The following PTPMT1 variants were observed in gnomAD, a reference collection of about 807,000 sequenced individuals.
PTPMT1 encodes protein tyrosine phosphatase mitochondrial 1, also known as phosphatidylglycerophosphatase and protein-tyrosine phosphatase 1.
In PTPMT1, 12 loss-of-function variants were observed where a neutral mutation model predicts 17.8. The ratio of observed to expected loss-of-function variants is 0.67; its 90% CI spans 0.43 to 1.09. The LOEUF is 1.09. Among genes scored for constraint, PTPMT1 ranks in the 50% least tolerant of loss-of-function variants. The probability of loss-of-function intolerance (pLI) is 0.00; values close to 1 mark genes in which losing one functional copy is unlikely to be tolerated. For missense variants in PTPMT1, 262 were observed against 266.0 expected, an observed-to-expected ratio of 0.99 and a Z score of 0.10; for synonymous variants, 132 against 116.8, an observed-to-expected ratio of 1.13 and a Z score of -0.84.
At position 47,570,692 on chromosome 11, in the gene PTPMT1, A is replaced by ATC. The variant is rs1357540392; in HGVS notation, c.448-779_448-778insTC. 3.3e-5 allele frequency among the ~76,000 whole-genome samples: 5 copies of ATC among 152,300 alleles called. No individual in the cohort carries two copies. The East Asian group carries it at 9.6e-4, about 29-fold the overall frequency. ...GGCTCCAAACTGGATTCTGCCTATT[A>ATC]ATGTGTCATAATTGGCAGGTGGGAT... On this transcript the variant is annotated intron_variant, in intron 3 of 3. Transcript: ENST00000326674.
chr11:47,565,866 T>G (rs752536990), intron 1 of PTPMT1, 40 bp from the exon 2 acceptor site: 23 of 1,610,136 alleles, frequency 1.4e-5, no homozygotes, highest in Non-Finnish European at 1.7e-6. Context: ...GCCGCTGGGG[T>G]CTCCACCGTC....
At chr11:47,566,078 T>A in intron 2 of PTPMT1, 92 bp downstream of exon 2, 1 of 1,378,428 alleles carries the variant, frequency 7.3e-7, no homozygotes, top group Non-Finnish European at 9.6e-7. Flanking sequence ...GTGGGGGAGG[T>A]CACCATGCAC....
Position 47,565,954 on chromosome 11 carries a change from T to A in PTPMT1, c.223T>A (p.Tyr75Asn). The part of the protein sequence containing the change: ...VRGVITMNEE[Y>N]ETRFLCNSSQ... ...CGGGGTGATCACCATGAACGAGGAG[T>A]ACGAGACGAGGTTCCTGTGCAACTC... The change falls in exon 2 of 4, where the codon TAC becomes AAC. Residue 75 changes from tyrosine (Y) to asparagine (N), a missense_variant. Coordinates refer to ENST00000326674, the MANE Select transcript of PTPMT1 (RefSeq NM_175732.3). The A allele has an allele frequency of 6.2e-7, 1 of 1,603,962 alleles. No homozygotes were observed. The highest frequency in any genetic ancestry group is 8.5e-7 in the Non-Finnish European group (1 of 1,175,912).
chr11:47,567,056 G>A (rs2097245576), intron 2 of PTPMT1, among the ~76,000 whole-genome samples: 1 of 152,082 alleles, frequency 6.6e-6, no homozygotes, highest in Non-Finnish European at 1.5e-5. Context: ...GATATAGCAT[G>A]ATGAAGATAC....
At position 47,571,585 on chromosome 11, in the gene PTPMT1, G is replaced by A. The variant is rs769003485; in HGVS notation, c.562G>A (p.Ala188Thr). ...TAAAGAGTTCCACAAGCAGATTACT[G>A]CACGGGCAACAAAGGATGGGACTTT... is the stretch of plus-strand genomic sequence containing the variant. ...VLKEFHKQIT[A>T]RATKDGTFVI... Residue 188 changes from alanine to threonine, a missense_variant, in exon 4 of 4, where the codon GCA (alanine) becomes ACA (threonine). Physicochemically the swap from Ala to Thr is moderately conservative, Grantham distance 58. Transcript: ENST00000326674. The A allele has an allele frequency of 1.2e-6, 2 of 1,613,924 alleles. No homozygotes were observed. The highest frequency in any genetic ancestry group is 2.2e-5 in the East Asian group (1 of 44,854).
At position 47,566,340 on chromosome 11, in the gene PTPMT1, G is replaced by A. The variant is rs142031685; in HGVS notation, c.255+354G>A. 1.9e-3 allele frequency among the ~76,000 whole-genome samples: 289 copies of A among 152,160 alleles called. 1 individual carries two copies. The highest frequency in any genetic ancestry group is 0.014 in the Middle Eastern group (4 of 294). The stretch of plus-strand genomic sequence containing the variant: ...CCCTACAAAAATACAAAAAGTAGCC[G>A]GGAGTGGTGGCGTGCGCCTGTACTC... On this transcript the variant is annotated intron_variant, in intron 2 of 3. Coordinates refer to ENST00000326674, the MANE Select transcript of PTPMT1 (RefSeq NM_175732.3).
chr11:47,568,559 G>A (rs2097247636), intron 2 of PTPMT1, among the ~76,000 whole-genome samples: 2 of 152,106 alleles, frequency 1.3e-5, no homozygotes, highest in Admixed American at 1.3e-4. Context: ...GCATGCAGCT[G>A]TAGTCACAGC....
chr11:47,567,977 TGGCACGATCTC>T (rs2097247213), intron 2 of PTPMT1, among the ~76,000 whole-genome samples: 1 of 151,860 alleles, frequency 6.6e-6, no homozygotes, highest in Admixed American at 6.6e-5. Flanking sequence ...GGAAGTGCAG[TGGCACGATCTC>T]GGCTCACTGC....
In PTPMT1 at chr11:47,571,814, GAA is replaced by G; in HGVS notation, c.*188_*189del. On this transcript the variant is annotated 3_prime_UTR_variant, in exon 4 of 4. Transcript: ENST00000326674. ...ATAACACTGTTGTGTGGCTAGAAAGGAAAAGATTTAGTGTGGCTTGTATTCAT... is the reference window on the plus strand; with the variant it reads ...ATAACACTGTTGTGTGGCTAGAAAGGAAGATTTAGTGTGGCTTGTATTCAT... 1.7e-6 allele frequency: 1 copy of G among 595,276 alleles called. No homozygotes were observed. Among genetic ancestry groups the G allele is most frequent in the Middle Eastern group, 3.0e-4 (1 of 3,386 alleles). The allele number at this position is 595,276 out of a possible 1,614,324, so 36.9% of individuals were successfully genotyped here.
chr11:47,567,619 G>A (rs1236770590), intron 2 of PTPMT1, among the ~76,000 whole-genome samples: 2 of 133,920 alleles, frequency 1.5e-5, no homozygotes, highest in South Asian at 2.5e-4. Flanking sequence ...GGAGTGCAAT[G>A]GTGCAATCTC....
chr11:47,570,514 C>T (rs1158788682), intron 3 of PTPMT1, among the ~76,000 whole-genome samples: 4 of 152,162 alleles, frequency 2.6e-5, no homozygotes, highest in African/African-American at 9.7e-5. Context: ...GTTGCAAAAG[C>T]CATTCAACCC....
Position 47,573,361 on chromosome 11 carries a change from G to C in PTPMT1, c.*1732G>C. 1 of 1,614,202 alleles carries C rather than the reference G, an allele frequency of 6.2e-7. No individual in the cohort carries two copies. The highest frequency in any genetic ancestry group is 8.5e-7 in the Non-Finnish European group (1 of 1,180,042). On this transcript the variant is annotated 3_prime_UTR_variant, in exon 4 of 4. Coordinates refer to ENST00000326674, the MANE Select transcript of PTPMT1 (RefSeq NM_175732.3). The surrounding 1 kb of genome is among the most constrained non-coding windows in gnomAD (Gnocchi z 4.1). ...CCTAGTAAGTAGATGATCCCGTTGA[G>C]GTTGGCACCAGCAGCCCCTGACACA...
At chr11:47,570,636 G>GTA (rs1015988342) in intron 3 of PTPMT1, among the ~76,000 whole-genome samples, 19 of 152,274 alleles carry the variant, frequency 1.2e-4, no homozygotes, top group Admixed American at 1.2e-3. Flanking sequence ...GTATTCCAGA[G>GTA]TAAAGTTCTG....
Position 47,572,885 on chromosome 11 carries a change from G to A in PTPMT1, c.*1256G>A. ...GGCCCAGGGGACTTTGAGTTTGTAT[G>A]GGGAGGGAAAAGGAGTGAGCAGTTC... is the stretch of plus-strand genomic sequence containing the variant. On this transcript the variant is annotated 3_prime_UTR_variant, in exon 4 of 4. Transcript: ENST00000326674. The A allele has an allele frequency of 6.4e-7, 1 of 1,570,756 alleles. No individual in the cohort carries two copies. The highest frequency in any genetic ancestry group is 8.6e-7 in the Non-Finnish European group (1 of 1,156,780).
In PTPMT1 at chr11:47,565,649, C is replaced by T. The variant is rs2097242413; in HGVS notation, c.27C>T (p.Ala9=). 1.5e-6 allele frequency: 2 copies of T among 1,359,212 alleles called. No homozygotes were observed. The highest frequency in any genetic ancestry group is 9.5e-7 in the Non-Finnish European group (1 of 1,057,068). 84.2% of individuals were successfully genotyped at this position (1,359,212 alleles called of 1,614,324 possible). ...TGGCGGCCACCGCGCTGCTGGAGGC[C>T]GGCCTGGCGCGGGTGCTCTTCTACC... is the stretch of plus-strand genomic sequence containing the variant. MAATALLE[A]GLARVLFYPT... is the part of the protein sequence containing the mutation. Residue 9 remains alanine (A), a synonymous_variant, in exon 1 of 4, where the codon GCC becomes GCT. Transcript: ENST00000326674.
At position 47,572,321 on chromosome 11, in the gene PTPMT1, C is replaced by T. The variant is rs2097250458; in HGVS notation, c.*692C>T. 6.5e-6 allele frequency: 1 copy of T among 152,890 alleles called. No homozygotes were observed. Among genetic ancestry groups the T allele is most frequent in the Non-Finnish European group, 1.5e-5 (1 of 68,238 alleles). 9.5% of individuals were successfully genotyped at this position (152,890 alleles called of 1,614,324 possible). On this transcript the variant is annotated 3_prime_UTR_variant, in exon 4 of 4. Coordinates refer to ENST00000326674, the MANE Select transcript of PTPMT1 (RefSeq NM_175732.3). Reference sequence around the variant, plus strand: ...GTTTCTGCTATTAATCAGAAATAATCATTTCTATTTTCTGGCTTACCCCTT... The same window carrying T: ...GTTTCTGCTATTAATCAGAAATAATTATTTCTATTTTCTGGCTTACCCCTT...
At position 47,565,967 on chromosome 11, in the gene PTPMT1, TC is replaced by T. The variant is rs2097243235; in HGVS notation, c.238del (p.Leu80CysfsTer11). 4 of 1,598,364 alleles carry T rather than the reference TC, an allele frequency of 2.5e-6. No homozygotes were observed. The East Asian group carries it at 9.0e-5, about 36-fold the overall frequency. On this transcript the variant is annotated frameshift_variant, in exon 2 of 4. Transcript: ENST00000326674. LOFTEE classifies it high-confidence loss of function. ...ITMNEEYETR[F>X]LCNSSQEWKR... ...ATGAACGAGGAGTACGAGACGAGGT[TC>T]CTGTGCAACTCTTCACAGGTGAGGG...
chr11:47,571,584 T>G lies in PTPMT1; in HGVS notation c.561T>G (p.Thr187=), dbSNP rs1355191533. 1.9e-6 allele frequency: 3 copies of G among 1,614,002 alleles called. No homozygotes were observed. Among genetic ancestry groups the G allele is most frequent in the Non-Finnish European group, 8.5e-7 (1 of 1,180,028 alleles). The part of the protein sequence containing the change: ...DVLKEFHKQI[T]ARATKDGTFV... Reference sequence around the variant, plus strand: ...TTAAAGAGTTCCACAAGCAGATTACTGCACGGGCAACAAAGGATGGGACTT... The same window carrying G: ...TTAAAGAGTTCCACAAGCAGATTACGGCACGGGCAACAAAGGATGGGACTT... The change falls in exon 4 of 4, where the codon ACT becomes ACG. Residue 187 remains threonine, a synonymous_variant. Transcript: ENST00000326674.
chr11:47,569,694 T>C lies in PTPMT1; in HGVS notation c.256-6T>C. 1 of 1,600,348 alleles carries C rather than the reference T, an allele frequency of 6.2e-7. No individual in the cohort carries two copies. Among genetic ancestry groups the C allele is most frequent in the Non-Finnish European group, 8.5e-7 (1 of 1,172,288 alleles). Reference sequence around the variant, plus strand: ...CTCTTTTTCATACTGGTGGACCTGGTTCCAGGAGTGGAAGAGACTAGGAGT... The same window carrying C: ...CTCTTTTTCATACTGGTGGACCTGGCTCCAGGAGTGGAAGAGACTAGGAGT... On this transcript the variant is annotated splice_polypyrimidine_tract_variant and splice_region_variant and intron_variant, in intron 2 of 3. Coordinates refer to ENST00000326674, the MANE Select transcript of PTPMT1 (RefSeq NM_175732.3).
Sources: gnomAD v4.1 joint callset for allele counts (sites outside exome capture counted in the v4.1 genomes callset) on GRCh38, gnomAD v4.1.1 for gene constraint, Gnocchi (gnomAD v3.1) non-coding constraint, MANE v1.5 for transcripts, NCBI Gene and HGNC (gene_info 2026-07-23, HGNC 2026-07-21) for gene names.